The following ARHGAP25 variants were observed in gnomAD, a reference collection of about 807,000 sequenced individuals.
ARHGAP25 encodes the protein Rho GTPase activating protein 25, also known as rho GTPase-activating protein 25.
Under a neutral mutation model 71.0 loss-of-function variants are expected in ARHGAP25, and 34 were observed. The observed-to-expected ratio is 0.48, with a 90% CI of 0.36 to 0.64. ARHGAP25 has a LOEUF of 0.64. Ranked by LOEUF, ARHGAP25 falls within the 30% of genes least tolerant of loss-of-function variation. ARHGAP25 has a pLI of 0.00. For missense variants in ARHGAP25, 706 were observed against 805.1 expected (o/e 0.88, Z 1.49); for synonymous variants, 282 against 296.5 (o/e 0.95, Z 0.50).
At chr2:68,816,489 A>G in intron 7 of ARHGAP25, 127 bp downstream of exon 7, 1 of 749,666 alleles carries the variant, frequency 1.3e-6, no homozygotes, top group South Asian at 1.7e-5. Context: ...GATCAGCTGT[A>G]TTCACATAGC....
chr2:68,712,323 G>T (rs574868591), intron 2 of ARHGAP25, among the ~76,000 whole-genome samples: 1 of 152,280 alleles, frequency 6.6e-6, no homozygotes, highest in African/African-American at 2.4e-5. Flanking sequence ...CTTTTGATAA[G>T]TGTCTGTTCA....
At chr2:68,800,029 A>C (rs1346641065) in intron 4 of ARHGAP25, among the ~76,000 whole-genome samples, 1 of 152,160 alleles carries the variant, frequency 6.6e-6, no homozygotes, top group Non-Finnish European at 1.5e-5. Context: ...GAAAACCCCC[A>C]AGCTCCGAAA....
intron 8 of ARHGAP25, among the ~76,000 whole-genome samples, chr2:68,818,319 T>C (rs1471463262): frequency 2.6e-5 from 4 of 152,200 alleles, no homozygotes; most frequent in Admixed American, 6.5e-5. Flanking sequence ...CATTTTATTT[T>C]ATTTTATTTT....
chr2:68,773,184 G>GCCTTTCC, intron 1 of ARHGAP25, among the ~76,000 whole-genome samples: 1 of 152,336 alleles, frequency 6.6e-6, no homozygotes, highest in Admixed American at 6.5e-5. Context: ...TGTGGAAATA[G>GCCTTTCC]GGTGATAACT....
intron 2 of ARHGAP25, among the ~76,000 whole-genome samples, chr2:68,721,397 A>T (rs573764420): frequency 1.6e-4 from 25 of 152,110 alleles, no homozygotes; most frequent in Non-Finnish European, 2.9e-4. Context: ...TCCATTCCAC[A>T]CCTCTTTTCT....
chr2:68,752,443 A>G (rs1191411907), intron 1 of ARHGAP25, among the ~76,000 whole-genome samples: 2 of 152,168 alleles, frequency 1.3e-5, no homozygotes, highest in Admixed American at 6.5e-5. Context: ...GAGCAGTGGC[A>G]TTATTGTTAT....
chr2:68,742,828 T>C (rs990501848), intron 1 of ARHGAP25, among the ~76,000 whole-genome samples: 1 of 152,228 alleles, frequency 6.6e-6, no homozygotes, highest in African/African-American at 2.4e-5. Flanking sequence ...ACAGCACACA[T>C]GCTGATCTGC....
intron 1 of ARHGAP25, among the ~76,000 whole-genome samples, chr2:68,739,009 C>T (rs1010317318): frequency 6.6e-6 from 1 of 152,190 alleles, no homozygotes; most frequent in African/African-American, 2.4e-5. Flanking sequence ...ATTAAATTCT[C>T]TCCACGAAGT....
chr2:68,735,773 C>A (rs1248867635), intron 1 of ARHGAP25, among the ~76,000 whole-genome samples: 1 of 151,990 alleles, frequency 6.6e-6, no homozygotes, highest in African/African-American at 2.4e-5. Context: ...ATAATAAAGA[C>A]CTTACTTAAT....
intron 10 of ARHGAP25, 57 bp downstream of exon 10, chr2:68,822,929 G>A (rs1681819485): frequency 6.7e-7 from 1 of 1,499,192 alleles, no homozygotes; most frequent in Non-Finnish European, 8.9e-7. Context: ...AGAGACAAGA[G>A]GGATTGTTCC....
At chr2:68,787,817 A>T in intron 3 of ARHGAP25, 23 bp from the exon 4 acceptor site, 2 of 1,596,212 alleles carry the variant, frequency 1.3e-6, no homozygotes, top group Non-Finnish European at 1.7e-6. Flanking sequence ...TAAGACCTTC[A>T]CAAGTGCTAA....
At chr2:68,759,656 C>T (rs1367351021) in intron 1 of ARHGAP25, among the ~76,000 whole-genome samples, 6 of 151,960 alleles carry the variant, frequency 3.9e-5, no homozygotes, top group Non-Finnish European at 8.8e-5. Context: ...TTCTACCAAA[C>T]GTCTAAAGAA....
chr2:68,739,459 A>T (rs76068288), intron 1 of ARHGAP25, among the ~76,000 whole-genome samples: 1,867 of 152,284 alleles, frequency 0.012, 36 homozygotes, highest in African/African-American at 0.043. Context: ...CTGGAATGTG[A>T]TCCTTTTGAG....
intron 1 of ARHGAP25, among the ~76,000 whole-genome samples, chr2:68,737,590 T>G (rs757122543): frequency 5.9e-5 from 9 of 152,212 alleles, no homozygotes; most frequent in Admixed American, 5.2e-4. Context: ...GGGTAATATC[T>G]TCTCTAATTG....
chr2:68,804,349 C>T (rs953855130), intron 4 of ARHGAP25, among the ~76,000 whole-genome samples: 1 of 152,172 alleles, frequency 6.6e-6, no homozygotes, highest in Non-Finnish European at 1.5e-5. Context: ...TTCCAAGAGA[C>T]ATCTGCCTCT....
intron 6 of ARHGAP25, among the ~76,000 whole-genome samples, chr2:68,814,562 A>C (rs75074013): frequency 6.6e-6 from 1 of 152,128 alleles, no homozygotes; most frequent in Non-Finnish European, 1.5e-5. Flanking sequence ...TGACTTTAAA[A>C]TTTTTTTCAA....
chr2:68,774,890 G>T, intron 1 of ARHGAP25: 1 of 1,341,480 alleles, frequency 7.5e-7, no homozygotes, highest in East Asian at 3.1e-5. Flanking sequence ...TTTGTCAGAT[G>T]CTGTGGCCAC....
chr2:68,786,666 A>G (rs1678779387), intron 3 of ARHGAP25, among the ~76,000 whole-genome samples: 1 of 152,218 alleles, frequency 6.6e-6, no homozygotes, highest in Admixed American at 6.5e-5. Context: ...AGATGGAGTC[A>G]GAATCAGGTT....
At chr2:68,712,512 A>T (rs1289745832) in intron 2 of ARHGAP25, among the ~76,000 whole-genome samples, 1 of 152,174 alleles carries the variant, frequency 6.6e-6, no homozygotes, top group African/African-American at 2.4e-5. Context: ...CTTTAGTTTA[A>T]TTAGATCCCA....
Sources: gnomAD v4.1 joint callset for allele counts (sites outside exome capture counted in the v4.1 genomes callset) on GRCh38, gnomAD v4.1.1 for gene constraint, MANE v1.5 for transcripts, NCBI Gene and HGNC (gene_info 2026-07-23, HGNC 2026-07-21) for gene names.